RUNX1T1: variants seen among roughly 807,000 people sequenced by gnomAD.
The protein encoded by RUNX1T1 is RUNX1 partner transcriptional co-repressor 1, also known as protein CBFA2T1.
A neutral mutation model predicts 62.8 loss-of-function variants in RUNX1T1; 4 were observed. The ratio of observed to expected loss-of-function variants is 0.06; its 90% CI spans 0.03 to 0.15. RUNX1T1 has a LOEUF of 0.15. Among genes scored for constraint, RUNX1T1 ranks in the 10% least tolerant of loss-of-function variants. The pLI is 1.00. For synonymous variants in RUNX1T1, 291 were observed against 286.0 expected, an observed-to-expected ratio of 1.02 and a Z score of -0.18; for missense variants, 508 against 754.3, an observed-to-expected ratio of 0.67 and a Z score of 3.82.
At chr8:92,026,329 A>C (rs1825138644) in intron 1 of RUNX1T1, among the ~76,000 whole-genome samples, 2 of 152,320 alleles carry the variant, frequency 1.3e-5, no homozygotes, top group African/African-American at 2.4e-5. Context: ...AGGTACTATA[A>C]ATTTGCCCAC....
At chr8:92,059,821 TTC>T (rs1050589160) in intron 1 of RUNX1T1, among the ~76,000 whole-genome samples, 2 of 152,174 alleles carry the variant, frequency 1.3e-5, no homozygotes, top group African/African-American at 2.4e-5. Flanking sequence ...AACCTTTTTT[TTC>T]TCTCTTTTGG....
At chr8:92,004,670 T>A (rs891814819) in intron 5 of RUNX1T1, 6 of 156,276 alleles carry the variant, frequency 3.8e-5, no homozygotes, top group African/African-American at 1.2e-4. Context: ...AACAAATAAC[T>A]ACTGTACTGT....
chr8:92,095,233 A>C lies in RUNX1T1; in HGVS notation c.-86+4347T>G, dbSNP rs903634789. 2.0e-6 allele frequency: 3 copies of C among 1,531,356 alleles called. No individual in the cohort carries two copies. In the East Asian group the frequency reaches 7.3e-5, roughly 37 times the overall value. 94.9% of individuals were successfully genotyped at this position (1,531,356 alleles called of 1,614,324 possible). A position where few individuals can be genotyped will look rare whatever the true frequency, so the allele number is the denominator to read the frequency against. Reference sequence around the variant, plus strand: ...TTCTCCTGGTCTTATCGACTTCTGAATCATTTGGAAAGGGAGAGAGGGAGA... The same window carrying C: ...TTCTCCTGGTCTTATCGACTTCTGACTCATTTGGAAAGGGAGAGAGGGAGA... On this transcript the variant is annotated intron_variant, in intron 1 of 11. Coordinates refer to the RUNX1T1 transcript ENST00000265814.
At chr8:92,017,346 A>C in exon 2 of RUNX1T1, 1 of 1,614,008 alleles carries the variant, frequency 6.2e-7, no homozygotes, top group Non-Finnish European at 8.5e-7. Context: ...GGCATTGTGG[A>C]GTGCTTCTCA....
rs1464778464 is a variant in RUNX1T1, at chr8:91,994,366, C to T, written c.660-2477G>A. 5 of 203,488 alleles carry T rather than the reference C, an allele frequency of 2.5e-5. No homozygotes were observed. The East Asian group carries it at 2.7e-4, about 11-fold the overall frequency. 12.6% of individuals were successfully genotyped at this position (203,488 alleles called of 1,614,324 possible). On this transcript the variant is annotated intron_variant, in intron 5 of 10. Transcript: ENST00000396218. Reference sequence around the variant, plus strand: ...CCCATGTGATTCTAATCTGTATTTGCATATCCCACAAATTTCTAAAAAATA... The same window carrying T: ...CCCATGTGATTCTAATCTGTATTTGTATATCCCACAAATTTCTAAAAAATA...
intron 5 of RUNX1T1, chr8:92,004,468 T>G (rs539490476): frequency 3.9e-5 from 6 of 152,344 alleles, no homozygotes; most frequent in African/African-American, 1.4e-4. Flanking sequence ...TCTGTAGGGT[T>G]TAATGGAGAA....
Position 92,076,157 on chromosome 8 carries a change from G to GA in RUNX1T1, c.-85-21dup, listed in dbSNP as rs975379397. The GA allele has an allele frequency of 2.6e-5, 39 of 1,480,456 alleles. No homozygotes were observed. The Middle Eastern group carries it at 5.4e-4, about 21-fold the overall frequency. The allele number at this position is 1,480,456 out of a possible 1,614,324, so 91.7% of individuals were successfully genotyped here. Reference sequence around the variant, plus strand: ...TCTTTTCTATTGACAACAACAAAGGGAAAAAAAATGCATATATCACAACCA... The same window carrying GA: ...TCTTTTCTATTGACAACAACAAAGGGAAAAAAAAATGCATATATCACAACCA... On this transcript the variant is annotated intron_variant, in intron 1 of 11. Coordinates refer to the RUNX1T1 transcript ENST00000265814.
At chr8:92,045,602 A>G (rs1269927515) in intron 1 of RUNX1T1, among the ~76,000 whole-genome samples, 1 of 152,138 alleles carries the variant, frequency 6.6e-6, no homozygotes, top group Non-Finnish European at 1.5e-5. Flanking sequence ...TCAATCATGG[A>G]CTTCAACTCA....
At chr8:91,993,088 A>G (rs1220953039) in intron 5 of RUNX1T1, among the ~76,000 whole-genome samples, 4 of 152,212 alleles carry the variant, frequency 2.6e-5, no homozygotes, top group Non-Finnish European at 4.4e-5. Flanking sequence ...ACGTTTTCTC[A>G]TAAGAATTCT....
chr8:92,052,826 C>T (rs1830439474), intron 1 of RUNX1T1, among the ~76,000 whole-genome samples: 1 of 152,108 alleles, frequency 6.6e-6, no homozygotes, highest in African/African-American at 2.4e-5. Flanking sequence ...GTGGCTACAC[C>T]ATCCTGTACC....
intron 10 of RUNX1T1, among the ~76,000 whole-genome samples, chr8:91,964,282 T>C (rs1423449067): frequency 6.6e-6 from 1 of 152,190 alleles, no homozygotes. Context: ...TGGTTCTTAC[T>C]GCAGAAAAAT....
intron 1 of RUNX1T1, among the ~76,000 whole-genome samples, chr8:92,046,693 G>A (rs1829463469): frequency 6.6e-6 from 1 of 152,142 alleles, no homozygotes; most frequent in South Asian, 2.1e-4. Context: ...CAGCCTGACT[G>A]TTAGTTTACC....
intron 1 of RUNX1T1, among the ~76,000 whole-genome samples, chr8:92,061,611 TGGCA>T (rs1040822897): frequency 3.9e-5 from 6 of 152,194 alleles, no homozygotes; most frequent in African/African-American, 1.4e-4. Flanking sequence ...TTCAAACAAC[TGGCA>T]ATACCTACAC....
At chr8:92,035,501 A>T (rs1827251975) in intron 1 of RUNX1T1, among the ~76,000 whole-genome samples, 1 of 152,112 alleles carries the variant, frequency 6.6e-6, no homozygotes, top group African/African-American at 2.4e-5. Flanking sequence ...TACATAAAAA[A>T]AAATTTTAAA....
intron 4 of RUNX1T1, among the ~76,000 whole-genome samples, chr8:92,008,386 TCTCACACACACACACA>T (rs1821262342): frequency 2.0e-5 from 1 of 49,100 alleles, no homozygotes; most frequent in Non-Finnish European, 4.3e-5. Flanking sequence ...TCTCTCTCTC[TCTCACACACACACACA>T]CACACACACA....
intron 1 of RUNX1T1, among the ~76,000 whole-genome samples, chr8:92,098,032 G>T (rs1357590722): frequency 8.5e-5 from 13 of 152,172 alleles, no homozygotes; most frequent in African/African-American, 4.8e-5. Flanking sequence ...TTAATAATAG[G>T]TTACCTTCCT....
intron 8 of RUNX1T1, among the ~76,000 whole-genome samples, chr8:91,984,237 C>G (rs1404514290): frequency 6.6e-6 from 1 of 152,154 alleles, no homozygotes; most frequent in African/African-American, 2.4e-5. Flanking sequence ...ATGAACCTCT[C>G]TTCCTGGAGA....
rs769459421 is a variant in RUNX1T1, at chr8:91,970,811, C to T, written c.1305G>A (p.Thr435=). The T allele has an allele frequency of 4.0e-5, 64 of 1,612,294 alleles. 1 individual carries two copies. Among genetic ancestry groups the T allele is most frequent in the African/African-American group, 8.0e-5 (6 of 74,878 alleles). The stretch of plus-strand genomic sequence containing the variant: ...CCTCAGACACGGCCTTCTGCAGCTC[C>T]GTCATCGCCTGGCGCTTCACCTCAT... Residue 435 remains threonine, a synonymous_variant, in exon 10 of 11, where the codon ACG becomes ACA. Transcript: ENST00000396218.
intron 2 of RUNX1T1, among the ~76,000 whole-genome samples, chr8:92,070,690 A>G (rs903427450): frequency 6.6e-6 from 1 of 152,266 alleles, no homozygotes; most frequent in African/African-American, 2.4e-5. Context: ...TATTCTTTGC[A>G]AAGGACAGAA....
Sources: gnomAD v4.1 joint callset for allele counts (sites outside exome capture counted in the v4.1 genomes callset) on GRCh38, gnomAD v4.1.1 for gene constraint, MANE v1.5 for transcripts, NCBI Gene and HGNC (gene_info 2026-07-23, HGNC 2026-07-21) for gene names.